Variants in PRKCI observed in about 807,000 individuals in gnomAD.
The protein encoded by PRKCI is protein kinase C iota type.
In PRKCI, 43 loss-of-function variants were observed where a neutral mutation model predicts 84.0. The ratio of observed to expected loss-of-function variants is 0.51; its 90% confidence interval spans 0.40 to 0.66. The LOEUF is 0.66. Among genes scored for constraint, PRKCI ranks in the 30% least tolerant of loss-of-function variants. The probability of loss-of-function intolerance (pLI) is 0.00; values close to 1 mark genes in which losing one functional copy is unlikely to be tolerated. For missense variants in PRKCI, 459 were observed against 745.6 expected (o/e 0.62, Z 4.48); for synonymous variants, 216 against 234.4 (o/e 0.92, Z 0.72).
At chr3:170,251,513 A>G (rs1733444410) in intron 2 of PRKCI, among the ~76,000 whole-genome samples, 1 of 152,260 alleles carries the variant, frequency 6.6e-6, no homozygotes, top group Non-Finnish European at 1.5e-5. Context: ...TTCATAAATA[A>G]CAGGCTCAAA....
At chr3:170,247,217 T>C (rs1733308220) in intron 2 of PRKCI, among the ~76,000 whole-genome samples, 1 of 151,692 alleles carries the variant, frequency 6.6e-6, no homozygotes, top group Non-Finnish European at 1.5e-5. Context: ...GCCCAGCTAC[T>C]TTTTTAGTTT....
rs376321611 is a variant in PRKCI, at chr3:170,270,602, C to T, written c.591+41C>T. 43 of 1,442,928 alleles carry T rather than the reference C, an allele frequency of 3.0e-5. No individual in the cohort carries two copies. The African/African-American group carries it at 5.6e-4, about 19-fold the overall frequency. The allele number at this position is 1,442,928 out of a possible 1,614,324, so 89.4% of individuals were successfully genotyped here. ...TTTTTTTTTTTTTTTTTTTTAAGAG[C>T]GTGCTTGATAACACTGCTATAACAG... is the stretch of plus-strand genomic sequence containing the variant. On this transcript the variant is annotated intron_variant, in intron 6 of 17. Transcript: ENST00000295797.
intron 2 of PRKCI, among the ~76,000 whole-genome samples, chr3:170,257,034 T>A (rs1733599843): frequency 6.6e-6 from 1 of 152,244 alleles, no homozygotes; most frequent in African/African-American, 2.4e-5. Flanking sequence ...TCAGAGAAGA[T>A]ACTTGTTAGT....
At chr3:170,223,671 T>C (rs1732555593) in intron 1 of PRKCI, among the ~76,000 whole-genome samples, 1 of 152,186 alleles carries the variant, frequency 6.6e-6, no homozygotes, top group African/African-American at 2.4e-5. Context: ...GAAATGTTAG[T>C]GTGACCATAA....
chr3:170,243,385 G>A (rs1733183723), intron 2 of PRKCI, among the ~76,000 whole-genome samples: 1 of 152,162 alleles, frequency 6.6e-6, no homozygotes, highest in African/African-American at 2.4e-5. Flanking sequence ...ATTCTATCCT[G>A]TGGATGTACT....
intron 12 of PRKCI, among the ~76,000 whole-genome samples, chr3:170,287,910 A>G (rs1370017710): frequency 3.0e-5 from 4 of 131,274 alleles, no homozygotes; most frequent in Non-Finnish European, 6.4e-5. Context: ...CTCTGTCTCA[A>G]AAAAAAAAAA....
intron 1 of PRKCI, among the ~76,000 whole-genome samples, chr3:170,223,061 G>A (rs140294369): frequency 5.3e-5 from 8 of 152,260 alleles, no homozygotes; most frequent in African/African-American, 1.9e-4. Flanking sequence ...CGAGAGACTC[G>A]CCTCCTGAGA....
At chr3:170,264,792 G>A (rs1733817374) in intron 4 of PRKCI, among the ~76,000 whole-genome samples, 1 of 152,308 alleles carries the variant, frequency 6.6e-6, no homozygotes, top group South Asian at 2.1e-4. Flanking sequence ...TAATGAATTA[G>A]TGTGGAGGTG....
chr3:170,270,152 A>T (rs1454357784), intron 5 of PRKCI, among the ~76,000 whole-genome samples: 1 of 152,164 alleles, frequency 6.6e-6, no homozygotes, highest in Non-Finnish European at 1.5e-5. Flanking sequence ...CATTATTTTG[A>T]ACTTGATTAT....
intron 2 of PRKCI, among the ~76,000 whole-genome samples, chr3:170,253,430 CTGA>C (rs1012053798): frequency 6.6e-6 from 1 of 152,170 alleles, no homozygotes; most frequent in Admixed American, 6.5e-5. Flanking sequence ...TTGCAGTTCC[CTGA>C]TGATCAATGA....
At position 170,273,360 on chromosome 3, in the gene PRKCI, A is replaced by C. The variant is rs1188765922; in HGVS notation, c.646+20A>C. Reference sequence around the variant, plus strand: ...AGACAGGTAAGAGTGGTGCTGGCACAACCCATTGTTCATTCACAGAGTAGC... The same window carrying C: ...AGACAGGTAAGAGTGGTGCTGGCACCACCCATTGTTCATTCACAGAGTAGC... On this transcript the variant is annotated intron_variant, in intron 7 of 17. Coordinates refer to ENST00000295797, the MANE Select transcript of PRKCI (RefSeq NM_002740.6). 1 of 1,609,728 alleles carries C rather than the reference A, an allele frequency of 6.2e-7. No individual in the cohort carries two copies. Among genetic ancestry groups the C allele is most frequent in the Non-Finnish European group, 8.5e-7 (1 of 1,176,224 alleles).
intron 14 of PRKCI, among the ~76,000 whole-genome samples, chr3:170,293,729 T>C (rs1734626181): frequency 6.6e-6 from 1 of 152,150 alleles, no homozygotes; most frequent in South Asian, 2.1e-4. Context: ...CTCGGCTCCA[T>C]GCAACCTCCA....
intron 4 of PRKCI, among the ~76,000 whole-genome samples, chr3:170,265,186 C>T (rs1733827404): frequency 1.3e-5 from 2 of 148,300 alleles, no homozygotes; most frequent in African/African-American, 5.0e-5. Context: ...GAGACTCTGT[C>T]TCAAAAAAAA....
chr3:170,261,459 T>TAA (rs1192417978), intron 3 of PRKCI, among the ~76,000 whole-genome samples: 7 of 128,014 alleles, frequency 5.5e-5, no homozygotes, highest in African/African-American at 1.7e-4. Flanking sequence ...GTTTTTTTTT[T>TAA]AAAAAAAAAA....
chr3:170,281,414 C>T lies in PRKCI; in HGVS notation c.980+151C>T, dbSNP rs529820920. The T allele has an allele frequency of 4.4e-5, 27 of 610,610 alleles. No individual in the cohort carries two copies. In the South Asian group the frequency reaches 5.7e-4, roughly 13 times the overall value. The allele number at this position is 610,610 out of a possible 1,614,324, so 37.8% of individuals were successfully genotyped here. ...AACTTCCTGCTAATAATACTGCCAT[C>T]AGTGATATCAGTTTGATATTAGATC... On this transcript the variant is annotated intron_variant, in intron 10 of 17. Transcript: ENST00000295797.
In PRKCI at chr3:170,303,041, G is replaced by T. The variant is rs1734859913; in HGVS notation, c.1705G>T (p.Asp569Tyr). The change falls in exon 18 of 18, where the codon GAC (aspartate) becomes TAC (tyrosine). Residue 569 changes from aspartate to tyrosine, a missense_variant and splice_region_variant. This residue lies in a region of PRKCI where 209 missense variants were observed against 425.9 expected (regional missense o/e 0.49). Transcript: ENST00000295797. ...EPVQLTPDDDDIVRKIDQSEF... is the reference protein window; with the variant it reads ...EPVQLTPDDDYIVRKIDQSEF... ...ATAAATTTATTTTTCTTTCAACAGT[G>T]ACATTGTGAGGAAGATTGATCAGTC... 2 of 1,587,372 alleles carry T rather than the reference G, an allele frequency of 1.3e-6. No individual in the cohort carries two copies. The highest frequency in any genetic ancestry group is 2.7e-5 in the African/African-American group (2 of 74,030).
Position 170,267,974 on chromosome 3 carries a change from A to C in PRKCI, c.424A>C (p.Thr142Pro). The change falls in exon 5 of 18, where the codon ACT becomes CCT. Residue 142 changes from threonine (T) to proline (P), a missense_variant. Physicochemically the swap from Thr to Pro is conservative, Grantham distance 38. Transcript: ENST00000295797. Reference protein sequence around the residue: ...WRKLYCANGHTFQAKRFNRRA... With the variant: ...WRKLYCANGHPFQAKRFNRRA... Reference sequence around the variant, plus strand: ...AAAGCTTTATTGTGCCAATGGCCACACTTTCCAAGCCAAGCGTTTCAACAG... The same window carrying C: ...AAAGCTTTATTGTGCCAATGGCCACCCTTTCCAAGCCAAGCGTTTCAACAG... 6.2e-7 allele frequency: 1 copy of C among 1,612,988 alleles called. No homozygotes were observed. Among genetic ancestry groups the C allele is most frequent in the Non-Finnish European group, 8.5e-7 (1 of 1,179,546 alleles).
intron 2 of PRKCI, among the ~76,000 whole-genome samples, chr3:170,248,565 C>T (rs1437568449): frequency 4.0e-5 from 6 of 151,832 alleles, no homozygotes; most frequent in Non-Finnish European, 5.9e-5. Flanking sequence ...TTTTGCTTCA[C>T]GCTTATGCAT....
At chr3:170,231,318 A>G (rs77649077) in intron 1 of PRKCI, among the ~76,000 whole-genome samples, 2,561 of 152,152 alleles carry the variant, frequency 0.017, 48 homozygotes, top group East Asian at 0.1. Flanking sequence ...TTGTAGACCT[A>G]TTACATACTG....
Sources: allele counts gnomAD v4.1 joint callset (sites outside exome capture counted in the v4.1 genomes callset), GRCh38; gene constraint gnomAD v4.1.1; regional missense constraint gnomAD v4.1.1; transcripts MANE v1.5; gene names NCBI Gene and HGNC (gene_info 2026-07-23, HGNC 2026-07-21).